The following CHN1 variants were observed in gnomAD, a reference collection of about 807,000 sequenced individuals.
CHN1 encodes N-chimaerin.
CHN1 carries 37 observed loss-of-function variants against 59.5 expected under a neutral mutation model. That is an observed-to-expected ratio of 0.62 (90% CI 0.48 to 0.82). The LOEUF (loss-of-function observed/expected upper bound fraction) is 0.82, where lower values mean the gene tolerates loss of function less well. Ranked by LOEUF, CHN1 falls within the 40% of genes least tolerant of loss-of-function variation. The probability of loss-of-function intolerance (pLI) is 0.00; values close to 1 mark genes in which losing one functional copy is unlikely to be tolerated. For synonymous variants in CHN1, 206 were observed against 200.4 expected (o/e 1.03, Z -0.24); for missense variants, 469 against 571.0 (o/e 0.82, Z 1.82).
At chr2:174,816,570 G>A (rs1311639807) in intron 8 of CHN1, among the ~76,000 whole-genome samples, 1 of 152,086 alleles carries the variant, frequency 6.6e-6, no homozygotes, top group South Asian at 2.1e-4. Flanking sequence ...ATGGTTCGTG[G>A]GCTTCTCTGG....
chr2:174,954,266 C>T (rs1257224748), intron 1 of CHN1, among the ~76,000 whole-genome samples: 2 of 151,958 alleles, frequency 1.3e-5, no homozygotes, highest in East Asian at 1.9e-4. Context: ...AGTGGATCCT[C>T]GTTTCTCACC....
intron 8 of CHN1, among the ~76,000 whole-genome samples, chr2:174,814,920 C>T (rs927449348): frequency 6.6e-6 from 1 of 152,166 alleles, no homozygotes; most frequent in East Asian, 1.9e-4. Context: ...CATCATTTCT[C>T]TCTTGACTGC....
At chr2:174,908,128 C>T (rs1175206464) in intron 5 of CHN1, among the ~76,000 whole-genome samples, 1 of 152,160 alleles carries the variant, frequency 6.6e-6, no homozygotes, top group Non-Finnish European at 1.5e-5. Context: ...GCACATGTCA[C>T]TTTGTTCTTC....
At chr2:174,952,230 T>C in intron 1 of CHN1, 28 bp from the exon 2 acceptor site, 1 of 1,246,386 alleles carries the variant, frequency 8.0e-7, no homozygotes, top group Non-Finnish European at 1.1e-6. Flanking sequence ...AAATTAACAT[T>C]ACTGAATATT....
Position 175,004,998 on chromosome 2 carries a change from C to A in CHN1, c.-86G>T, listed in dbSNP as rs1692018246. On this transcript the variant is annotated 5_prime_UTR_variant, in exon 1 of 13. Coordinates refer to ENST00000409900, the MANE Select transcript of CHN1 (RefSeq NM_001822.7). ...ACCTCATCAGCCCGCCGCACCCACA[C>A]CTCGGAGAGAGTGGGGTGCCCGATG... is the stretch of plus-strand genomic sequence containing the variant. The A allele has an allele frequency of 6.7e-7, 1 of 1,499,822 alleles. No individual in the cohort carries two copies. Among genetic ancestry groups the A allele is most frequent in the African/African-American group, 1.4e-5 (1 of 69,834 alleles). The allele number at this position is 1,499,822 out of a possible 1,614,324, so 92.9% of individuals were successfully genotyped here. A position where few individuals can be genotyped will look rare whatever the true frequency, so the allele number is the denominator to read the frequency against.
At chr2:174,931,057 T>C (rs62184792) in intron 3 of CHN1, among the ~76,000 whole-genome samples, 1 of 151,844 alleles carries the variant, frequency 6.6e-6, no homozygotes, top group Admixed American at 6.6e-5. Context: ...CATGAGCCAC[T>C]GCGCCAGGCC....
At chr2:174,871,444 C>G (rs1687404491) in intron 6 of CHN1, among the ~76,000 whole-genome samples, 1 of 152,060 alleles carries the variant, frequency 6.6e-6, no homozygotes, top group Admixed American at 6.6e-5. Context: ...TGGCTGAACT[C>G]ATTTTTAAAA....
At chr2:174,957,199 C>A (rs1036618664) in intron 1 of CHN1, among the ~76,000 whole-genome samples, 2 of 152,134 alleles carry the variant, frequency 1.3e-5, no homozygotes, top group Non-Finnish European at 2.9e-5. Context: ...TAGCACGAGG[C>A]TTGGGGACCA....
intron 1 of CHN1, among the ~76,000 whole-genome samples, chr2:175,002,007 C>A (rs1220188115): frequency 6.6e-6 from 1 of 152,128 alleles, no homozygotes; most frequent in East Asian, 1.9e-4. Flanking sequence ...ACTCACTATA[C>A]GGAATTAGGT....
chr2:174,963,490 A>G (rs1047479420), intron 1 of CHN1, among the ~76,000 whole-genome samples: 1 of 152,184 alleles, frequency 6.6e-6, no homozygotes, highest in Non-Finnish European at 1.5e-5. Context: ...TAAACAGAGG[A>G]GAGAACACAG....
At chr2:175,003,892 G>A (rs2105477846) in intron 1 of CHN1, among the ~76,000 whole-genome samples, 1 of 152,300 alleles carries the variant, frequency 6.6e-6, no homozygotes, top group South Asian at 2.1e-4. Context: ...GATTCTAGCA[G>A]CTTAATTCAC....
chr2:174,805,245 C>T (rs1047091317), intron 11 of CHN1, among the ~76,000 whole-genome samples: 45 of 152,184 alleles, frequency 3.0e-4, no homozygotes, highest in African/African-American at 1.1e-3. Flanking sequence ...GGACTGGCTG[C>T]CTCTGGAAGC....
chr2:174,847,085 G>A, intron 6 of CHN1, 128 bp from the exon 7 acceptor site: 2 of 1,551,634 alleles, frequency 1.3e-6, no homozygotes, highest in Non-Finnish European at 1.7e-6. Context: ...TTTGTGAACT[G>A]CAGCCCTATT....
At chr2:174,860,653 A>G (rs571754030) in intron 6 of CHN1, among the ~76,000 whole-genome samples, 1 of 152,340 alleles carries the variant, frequency 6.6e-6, no homozygotes, top group Non-Finnish European at 1.5e-5. Context: ...TTAAATACAT[A>G]TTTAATAAAT....
intron 3 of CHN1, among the ~76,000 whole-genome samples, chr2:174,931,566 A>C (rs991469170): frequency 3.9e-5 from 6 of 152,226 alleles, no homozygotes; most frequent in African/African-American, 1.4e-4. Context: ...AATACTGATA[A>C]ACAAAACAGA....
intron 6 of CHN1, among the ~76,000 whole-genome samples, chr2:174,866,265 A>T (rs1687212860): frequency 6.6e-6 from 1 of 152,206 alleles, no homozygotes; most frequent in South Asian, 2.1e-4. Context: ...GGACTATAGA[A>T]ATTCTTTTAG....
intron 6 of CHN1, among the ~76,000 whole-genome samples, chr2:174,864,136 CTTTT>C (rs1304940009): frequency 6.6e-6 from 1 of 151,316 alleles, no homozygotes; most frequent in Non-Finnish European, 1.5e-5. Flanking sequence ...CTTCTGTTTT[CTTTT>C]TCTTTTTTTT....
At chr2:174,939,207 C>T (rs1689587211) in intron 3 of CHN1, among the ~76,000 whole-genome samples, 1 of 152,194 alleles carries the variant, frequency 6.6e-6, no homozygotes, top group African/African-American at 2.4e-5. Context: ...GTATATTATT[C>T]TATCTTGTGT....
At chr2:174,898,622 T>C (rs1196944649) in intron 5 of CHN1, among the ~76,000 whole-genome samples, 2 of 152,028 alleles carry the variant, frequency 1.3e-5, no homozygotes, top group Non-Finnish European at 2.9e-5. Flanking sequence ...AAAGAAATTG[T>C]CGCTTCTTAT....
Sources: allele counts gnomAD v4.1 joint callset (sites outside exome capture counted in the v4.1 genomes callset), GRCh38; gene constraint gnomAD v4.1.1; transcripts MANE v1.5; gene names NCBI Gene and HGNC (gene_info 2026-07-23, HGNC 2026-07-21).